Variants in ZNF76 observed in about 807,000 individuals in gnomAD.
ZNF76 encodes zinc finger protein 523.
In ZNF76, 66 loss-of-function variants were observed where a neutral mutation model predicts 66.9. The observed-to-expected ratio is 0.99, with a 90% CI of 0.81 to 1.21. ZNF76 has a LOEUF of 1.21. ZNF76 is among the 50% of genes most tolerant of loss of function. The pLI, the probability that ZNF76 is intolerant of heterozygous loss-of-function variation, is 0.00. For missense variants in ZNF76, 729 were observed against 760.3 expected (o/e 0.96, Z 0.48); for synonymous variants, 275 against 296.1 (o/e 0.93, Z 0.73).
upstream of ZNF76, chr6:35,259,721 G>A (rs1010534029): frequency 4.1e-4 from 63 of 152,622 alleles, no homozygotes; most frequent in African/African-American, 1.4e-3. Context: ...CCTGGATATC[G>A]CGCGAGGCAA....
intron 2 of ZNF76, among the ~76,000 whole-genome samples, chr6:35,283,100 A>G (rs1789017345): frequency 1.3e-5 from 2 of 152,306 alleles, no homozygotes; most frequent in African/African-American, 4.8e-5. Context: ...CTGAGAATTA[A>G]TGGTCAAACA....
intron 1 of ZNF76, among the ~76,000 whole-genome samples, chr6:35,277,386 T>C (rs1000918417): frequency 5.3e-5 from 8 of 152,208 alleles, no homozygotes; most frequent in African/African-American, 1.9e-4. Context: ...AGCCTTGGAT[T>C]TCCCTCTCTC....
intron 1 of ZNF76, among the ~76,000 whole-genome samples, chr6:35,277,900 C>G (rs913662750): frequency 6.6e-6 from 1 of 152,170 alleles, no homozygotes; most frequent in Admixed American, 6.6e-5. Context: ...CACTCTGTCG[C>G]CCAGGCTGGA....
At chr6:35,265,694 C>G (rs1409178827) in intron 1 of ZNF76, among the ~76,000 whole-genome samples, 1 of 151,950 alleles carries the variant, frequency 6.6e-6, no homozygotes, top group Non-Finnish European at 1.5e-5. Context: ...GAACAGCAAA[C>G]ACAAAGGCCC....
intron 1 of ZNF76, among the ~76,000 whole-genome samples, chr6:35,269,653 C>T (rs1484032870): frequency 6.6e-6 from 1 of 152,166 alleles, no homozygotes; most frequent in African/African-American, 2.4e-5. Context: ...TGACTTGAGG[C>T]TTTGATGTTG....
rs1414618313 is a variant in ZNF76 at position 35,294,577 on chromosome 6, G to A, written c.1608+8G>A. 2 of 1,589,752 alleles carry A rather than the reference G, an allele frequency of 1.3e-6. No individual in the cohort carries two copies. Among genetic ancestry groups the A allele is most frequent in the African/African-American group, 2.7e-5 (2 of 74,438 alleles). On this transcript the variant is annotated splice_region_variant and intron_variant, in intron 13 of 13. Transcript: ENST00000373953. ...ACGCACATTGCAGTGCAGGTGAGTA[G>A]AGATCTGGGAGGAAAGGGGATCCCA...
chr6:35,287,658 C>G lies in ZNF76; in HGVS notation c.245C>G (p.Pro82Arg). 2 of 1,612,382 alleles carry G rather than the reference C, an allele frequency of 1.2e-6. No individual in the cohort carries two copies. The highest frequency in any genetic ancestry group is 1.7e-6 in the Non-Finnish European group (2 of 1,179,004). ...GTGTTCCCTGCAGAAGGCTATGACC[C>G]CAGCACCCTGGAAGCCGTCCAACTG... ...IHRTPREGYD[P>R]STLEAVQLED... Residue 82 changes from proline to arginine, a missense_variant, in exon 5 of 14, where the codon CCC becomes CGC. Coordinates refer to ENST00000373953, the MANE Select transcript of ZNF76 (RefSeq NM_003427.5). The surrounding 1 kb of genome is among the most constrained non-coding windows in gnomAD (Gnocchi z 4.0).
rs764432773 is a variant in ZNF76 at position 35,287,816 on chromosome 6, G to A, written c.403G>A (p.Val135Met). The stretch of plus-strand genomic sequence containing the variant: ...TGATGAGGGCTTCAGTGCAGACGCA[G>A]TGGTGGCCCTGGAGCAGTATGCCAG... ...EDDEGFSADA[V>M]VALEQYASKV... is the part of the protein sequence containing the mutation. Residue 135 changes from valine (V) to methionine (M), a missense_variant, in exon 5 of 14, where the codon GTG becomes ATG. By Grantham distance (21) the Val-to-Met change is conservative. Transcript: ENST00000373953. This position sits in a 1 kb window ranked among gnomAD's most constrained non-coding sequence, Gnocchi z 4.0. 8.7e-6 allele frequency: 14 copies of A among 1,607,406 alleles called. No individual in the cohort carries two copies. The Admixed American group carries it at 1.9e-4, about 21-fold the overall frequency.
intron 1 of ZNF76, among the ~76,000 whole-genome samples, chr6:35,263,398 C>T (rs1328236208): frequency 6.6e-6 from 1 of 152,168 alleles, no homozygotes; most frequent in Non-Finnish European, 1.5e-5. Context: ...CATTGTTTTC[C>T]AAGCCCTGGG....
At chr6:35,271,249 T>G (rs958792809) in intron 1 of ZNF76, among the ~76,000 whole-genome samples, 6 of 152,254 alleles carry the variant, frequency 3.9e-5, no homozygotes, top group Non-Finnish European at 8.8e-5. Flanking sequence ...ATATGTACAT[T>G]TGTAATTTTG....
intron 1 of ZNF76, among the ~76,000 whole-genome samples, chr6:35,261,310 C>G (rs1427918009): frequency 1.3e-5 from 2 of 152,176 alleles, no homozygotes; most frequent in African/African-American, 4.8e-5. Flanking sequence ...TATGTTGCTA[C>G]TACTGACATC....
Position 35,295,375 on chromosome 6 carries a change from A to G in ZNF76, c.*127A>G, listed in dbSNP as rs1791051353. The G allele has an allele frequency of 2.4e-6, 2 of 819,672 alleles. No homozygotes were observed. The highest frequency in any genetic ancestry group is 1.4e-5 in the South Asian group (1 of 69,222). The allele number at this position is 819,672 out of a possible 1,614,324, so 50.8% of individuals were successfully genotyped here. ...CCACATAGGTCTCTGGGGTGAGAAG[A>G]CAGCAAGAAAACTGCCTAACTGAAG... On this transcript the variant is annotated 3_prime_UTR_variant, in exon 14 of 14. Transcript: ENST00000373953.
intron 1 of ZNF76, among the ~76,000 whole-genome samples, chr6:35,276,293 T>A (rs1461656384): frequency 6.6e-6 from 1 of 152,188 alleles, no homozygotes; most frequent in Non-Finnish European, 1.5e-5. Flanking sequence ...AGAGATAGAA[T>A]CGAGATTAGA....
Position 35,281,207 on chromosome 6 carries a change from T to C in ZNF76, c.56T>C (p.Val19Ala). ...CTTAGTGATGGGACAACAGCCTACGTCCAGCAAGCTGTCAAAGGTAAGTAT... is the reference window on the plus strand; with the variant it reads ...CTTAGTGATGGGACAACAGCCTACGCCCAGCAAGCTGTCAAAGGTAAGTAT... ...VTLSDGTTAY[V>A]QQAVKGEKLL... is the part of the protein sequence containing the mutation. The change falls in exon 2 of 14, where the codon GTC becomes GCC. Residue 19 changes from valine (V) to alanine (A), a missense_variant. Coordinates refer to ENST00000373953, the MANE Select transcript of ZNF76 (RefSeq NM_003427.5). 6.2e-7 allele frequency: 1 copy of C among 1,613,828 alleles called. No individual in the cohort carries two copies. The highest frequency in any genetic ancestry group is 8.5e-7 in the Non-Finnish European group (1 of 1,179,998).
In ZNF76 at chr6:35,267,050, T is replaced by C. The variant is rs560750115; in HGVS notation, c.-97+7209T>C. 1.1e-3 allele frequency among the ~76,000 whole-genome samples: 164 copies of C among 152,130 alleles called. 1 individual carries two copies. Among genetic ancestry groups the C allele is most frequent in the African/African-American group, 3.0e-3 (123 of 41,520 alleles). Reference sequence around the variant, plus strand: ...TCCTGACTTTGTGATCCGCCCGCCTTGGCCTCCCAAAGTGCTGGGATTACA... The same window carrying C: ...TCCTGACTTTGTGATCCGCCCGCCTCGGCCTCCCAAAGTGCTGGGATTACA... On this transcript the variant is annotated intron_variant, in intron 1 of 13. Transcript: ENST00000373953.
At chr6:35,261,659 C>G (rs1785272272) in intron 1 of ZNF76, among the ~76,000 whole-genome samples, 1 of 152,174 alleles carries the variant, frequency 6.6e-6, no homozygotes, top group Non-Finnish European at 1.5e-5. Context: ...TCAACCTCAG[C>G]TCCTTATTCC....
At position 35,291,310 on chromosome 6, in the gene ZNF76, A is replaced by G; in HGVS notation, c.658A>G (p.Thr220Ala). 1 of 1,613,620 alleles carries G rather than the reference A, an allele frequency of 6.2e-7. No homozygotes were observed. The highest frequency in any genetic ancestry group is 8.5e-7 in the Non-Finnish European group (1 of 1,179,750). ...YGLKSHVRTH[T>A]GEKPYKCPEE... ...ACTGAAGAGCCACGTTCGTACCCACACTGGTGAGAAACCATACAAGTGCCC... is the reference window on the plus strand; with the variant it reads ...ACTGAAGAGCCACGTTCGTACCCACGCTGGTGAGAAACCATACAAGTGCCC... The change falls in exon 8 of 14, where the codon ACT (threonine) becomes GCT (alanine). Residue 220 changes from threonine to alanine, a missense_variant. Thr to Ala is a moderately conservative substitution (Grantham distance 58, BLOSUM62 0). Coordinates refer to ENST00000373953, the MANE Select transcript of ZNF76 (RefSeq NM_003427.5).
At chr6:35,280,525 C>CA (rs1023269567) in intron 1 of ZNF76, among the ~76,000 whole-genome samples, 8 of 134,694 alleles carry the variant, frequency 5.9e-5, no homozygotes, top group African/African-American at 2.2e-4. Context: ...ATCCCCCCCC[C>CA]CCCCGCCCTG....
intron 13 of ZNF76, 78 bp from the exon 14 acceptor site, chr6:35,295,066 A>G (rs1322138662): frequency 4.4e-6 from 5 of 1,135,114 alleles, no homozygotes; most frequent in South Asian, 3.0e-5. Context: ...AAAAAAAAGT[A>G]GGCCACATAT....
Sources: gnomAD v4.1 joint callset for allele counts (sites outside exome capture counted in the v4.1 genomes callset) on GRCh38, gnomAD v4.1.1 for gene constraint, Gnocchi (gnomAD v3.1) non-coding constraint, MANE v1.5 for transcripts, NCBI Gene and HGNC (gene_info 2026-07-23, HGNC 2026-07-21) for gene names.